MRPL37: variants seen among roughly 807,000 people sequenced by gnomAD.
MRPL37 encodes large ribosomal subunit protein mL37.
MRPL37 carries 34 observed loss-of-function variants against 44.1 expected under a neutral mutation model. The observed-to-expected ratio is 0.77, with a 90% CI of 0.59 to 1.03. The LOEUF (loss-of-function observed/expected upper bound fraction) is 1.03, where lower values mean the gene tolerates loss of function less well. Ranked by LOEUF, MRPL37 falls within the 50% of genes least tolerant of loss-of-function variation. MRPL37 has a pLI of 0.00. For synonymous variants in MRPL37, 212 were observed against 219.5 expected (o/e 0.97, Z 0.30); for missense variants, 532 against 543.7 (o/e 0.98, Z 0.21).
chr1:54,222,786 T>C (rs1644244765), downstream of MRPL37, among the ~76,000 whole-genome samples: 1 of 152,210 alleles, frequency 6.6e-6, no homozygotes, highest in African/African-American at 2.4e-5. Flanking sequence ...ATGTCTTTAC[T>C]GGATATCAAA....
chr1:54,207,087 T>C (rs1019913880), intron 3 of MRPL37, among the ~76,000 whole-genome samples: 1 of 152,206 alleles, frequency 6.6e-6, no homozygotes, highest in African/African-American at 2.4e-5. Context: ...TCTCCTTATC[T>C]GCAAGACTTC....
intron 1 of MRPL37, among the ~76,000 whole-genome samples, chr1:54,204,465 G>A (rs1351184464): frequency 1.3e-5 from 2 of 152,012 alleles, no homozygotes; most frequent in African/African-American, 2.4e-5. Flanking sequence ...AGGCCAGAGA[G>A]GTTCAGCTCC....
chr1:54,222,363 G>A (rs1359411742), downstream of MRPL37, among the ~76,000 whole-genome samples: 1 of 152,178 alleles, frequency 6.6e-6, no homozygotes, highest in African/African-American at 2.4e-5. Context: ...CCCTGGGGGG[G>A]CAGACATCCA....
At position 54,200,517 on chromosome 1, in the gene MRPL37, CCT is replaced by C. The variant is rs1644071690; in HGVS notation, c.277_278del (p.Leu93SerfsTer45). The part of the protein sequence containing the change: ...YKDPRFYRSP[P>X]LHEHPLYKDQ... ...GGACCCAAGGTTCTACCGCTCGCCCCCTCTTCACGAGCATCCGCTGTACAAAG... is the reference window on the plus strand; with the variant it reads ...GGACCCAAGGTTCTACCGCTCGCCCCCTTCACGAGCATCCGCTGTACAAAG... On this transcript the variant is annotated frameshift_variant, in exon 1 of 7. Transcript: ENST00000360840. LOFTEE classifies it high-confidence loss of function. 4 of 1,614,162 alleles carry C rather than the reference CCT, an allele frequency of 2.5e-6. No homozygotes were observed. In the South Asian group the frequency reaches 4.4e-5, roughly 18 times the overall value.
chr1:54,215,834 C>T (rs1262186864), intron 5 of MRPL37, among the ~76,000 whole-genome samples: 4 of 152,200 alleles, frequency 2.6e-5, no homozygotes, highest in African/African-American at 9.7e-5. Flanking sequence ...ATTAACCCCC[C>T]AGCTGGCCTG....
downstream of MRPL37, among the ~76,000 whole-genome samples, chr1:54,218,562 A>G (rs1243449987): frequency 6.6e-6 from 1 of 152,188 alleles, no homozygotes; most frequent in African/African-American, 2.4e-5. Context: ...AATGTGACTT[A>G]CCTGGCGTTG....
intron 1 of MRPL37, among the ~76,000 whole-genome samples, chr1:54,203,404 A>G (rs1184349647): frequency 6.6e-6 from 1 of 152,168 alleles, no homozygotes. Context: ...GGGGATCAGT[A>G]CAAAGGAAAA....
At chr1:54,206,115 A>T (rs1421001401) in intron 3 of MRPL37, among the ~76,000 whole-genome samples, 6 of 149,944 alleles carry the variant, frequency 4.0e-5, no homozygotes, top group Non-Finnish European at 6.0e-5. Flanking sequence ...TATTTATTTT[A>T]TTTATTTATT....
chr1:54,207,180 C>T (rs1644130086), intron 3 of MRPL37, among the ~76,000 whole-genome samples: 1 of 152,212 alleles, frequency 6.6e-6, no homozygotes. Context: ...GCCATCATAG[C>T]ACAGATTACA....
chr1:54,211,366 C>T (rs1017991696), intron 4 of MRPL37, among the ~76,000 whole-genome samples: 1 of 152,168 alleles, frequency 6.6e-6, no homozygotes, highest in African/African-American at 2.4e-5. Flanking sequence ...TGTCTTACAG[C>T]TTGGCACAGA....
chr1:54,221,192 C>T (rs1644231256), downstream of MRPL37, among the ~76,000 whole-genome samples: 1 of 152,174 alleles, frequency 6.6e-6, no homozygotes, highest in Non-Finnish European at 1.5e-5. Flanking sequence ...GAGGGGACCT[C>T]ACTTTAGGCT....
At chr1:54,212,476 CT>C in intron 4 of MRPL37, 24 bp from the exon 5 acceptor site, 1 of 1,611,148 alleles carries the variant, frequency 6.2e-7, no homozygotes, top group Non-Finnish European at 8.5e-7. Flanking sequence ...CTTTCCACCC[CT>C]CCACATAATT....
In MRPL37 at chr1:54,200,220, A is replaced by C. The variant is rs761102105; in HGVS notation, c.-24A>C. ...CGGCAACATGGCGGGGTCCAGGTGG[A>C]GGTCTTGAGGCTATCAGATCGGTAT... On this transcript the variant is annotated 5_prime_UTR_variant, in exon 1 of 7. Transcript: ENST00000360840. 8 of 1,520,720 alleles carry C rather than the reference A, an allele frequency of 5.3e-6. No homozygotes were observed. Among genetic ancestry groups the C allele is most frequent in the Admixed American group, 2.1e-5 (1 of 46,754 alleles). 94.2% of individuals were successfully genotyped at this position (1,520,720 alleles called of 1,614,324 possible).
downstream of MRPL37, among the ~76,000 whole-genome samples, chr1:54,219,887 G>C (rs1177425604): frequency 6.6e-6 from 1 of 152,168 alleles, no homozygotes; most frequent in Non-Finnish European, 1.5e-5. Context: ...CACCACATAG[G>C]ATCTCTTCGT....
In MRPL37 at chr1:54,212,559, C is replaced by A. The variant is rs1304297564; in HGVS notation, c.891C>A (p.Ala297=). ...ATACCCTGTACTTACTGGACAAAGC[C>A]AATTTACGACCACACCGCCTTCAAC... is the stretch of plus-strand genomic sequence containing the variant. The part of the protein sequence containing the change: ...YPHTLYLLDK[A]NLRPHRLQPD... Residue 297 remains alanine, a synonymous_variant, in exon 5 of 7, where the codon GCC becomes GCA. Coordinates refer to ENST00000360840, the MANE Select transcript of MRPL37 (RefSeq NM_016491.4). 1 of 1,614,150 alleles carries A rather than the reference C, an allele frequency of 6.2e-7. No homozygotes were observed. The highest frequency in any genetic ancestry group is 1.7e-5 in the Admixed American group (1 of 60,016).
chr1:54,223,087 G>A (rs1557428774), downstream of MRPL37, among the ~76,000 whole-genome samples: 1 of 152,200 alleles, frequency 6.6e-6, no homozygotes, highest in South Asian at 2.1e-4. Flanking sequence ...CTGCGGCTCC[G>A]CAGGCACCCT....
intron 4 of MRPL37, among the ~76,000 whole-genome samples, chr1:54,212,254 A>G (rs1250262236): frequency 6.6e-6 from 1 of 152,208 alleles, no homozygotes; most frequent in Non-Finnish European, 1.5e-5. Flanking sequence ...CAGCTACCCA[A>G]TAGTCATACG....
In MRPL37 at chr1:54,205,073, G is replaced by A; in HGVS notation, c.402G>A (p.Glu134=). 1.9e-6 allele frequency: 3 copies of A among 1,614,104 alleles called. No homozygotes were observed. Among genetic ancestry groups the A allele is most frequent in the Non-Finnish European group, 2.5e-6 (3 of 1,180,030 alleles). ...CCAAGTTAATAGAAGGCCTTCCCGA[G>A]AAAGTGCTTAGCCTTGTTGATGATC... The part of the protein sequence containing the change: ...TKTKLIEGLP[E]KVLSLVDDPR... The change falls in exon 2 of 7, where the codon GAG becomes GAA. Residue 134 remains glutamate, a synonymous_variant. Transcript: ENST00000360840.
downstream of MRPL37, among the ~76,000 whole-genome samples, chr1:54,223,114 C>G (rs10788974): frequency 0.4 from 61,413 of 152,100 alleles, 13,663 homozygotes; most frequent in East Asian, 0.66. Flanking sequence ...AGAGAGAACA[C>G]AACCTCTGCC....
Sources: gnomAD v4.1 joint callset for allele counts (sites outside exome capture counted in the v4.1 genomes callset) on GRCh38, gnomAD v4.1.1 for gene constraint, MANE v1.5 for transcripts, NCBI Gene and HGNC (gene_info 2026-07-23, HGNC 2026-07-21) for gene names.